NKAIN2: variants seen among roughly 807,000 people sequenced by gnomAD.
NKAIN2 encodes the protein sodium/potassium transporting ATPase interacting 2.
In NKAIN2, 14 loss-of-function variants were observed where a neutral mutation model predicts 32.6. The ratio of observed to expected loss-of-function variants is 0.43; its 90% confidence interval spans 0.28 to 0.67. The LOEUF is 0.67. Ranked by LOEUF, NKAIN2 falls within the 30% of genes least tolerant of loss-of-function variation. The pLI, the probability that NKAIN2 is intolerant of heterozygous loss-of-function variation, is 0.17. For synonymous variants in NKAIN2, 80 were observed against 87.2 expected (o/e 0.92, Z 0.46); for missense variants, 198 against 258.3 (o/e 0.77, Z 1.60).
chr6:123,974,545 CAA>C (rs1444329784), intron 1 of NKAIN2, among the ~76,000 whole-genome samples: 1 of 152,100 alleles, frequency 6.6e-6, no homozygotes, highest in Non-Finnish European at 1.5e-5. Context: ...CTGTGAATAA[CAA>C]GAGACAAAAA....
At chr6:124,190,947 A>T (rs1223354209) in intron 1 of NKAIN2, among the ~76,000 whole-genome samples, 2 of 152,106 alleles carry the variant, frequency 1.3e-5, no homozygotes, top group East Asian at 3.9e-4. Flanking sequence ...TCTCTATAAC[A>T]TCCTCCCCCA....
At chr6:124,329,734 A>G (rs1314360572) in intron 2 of NKAIN2, among the ~76,000 whole-genome samples, 3 of 152,212 alleles carry the variant, frequency 2.0e-5, no homozygotes, top group African/African-American at 7.2e-5. Flanking sequence ...CATCTTCAAA[A>G]GCCAGATTGG....
intron 2 of NKAIN2, among the ~76,000 whole-genome samples, chr6:124,321,409 G>A (rs191696999): frequency 1.3e-5 from 2 of 152,214 alleles, no homozygotes; most frequent in East Asian, 3.9e-4. Context: ...CATGTCACGT[G>A]TATACCAATG....
chr6:124,490,844 T>C (rs1583329206), intron 3 of NKAIN2, among the ~76,000 whole-genome samples: 2 of 151,958 alleles, frequency 1.3e-5, no homozygotes, highest in East Asian at 3.9e-4. Flanking sequence ...GCATTTTATC[T>C]AATCACTGTA....
At chr6:124,542,688 G>T (rs974682446) in intron 3 of NKAIN2, among the ~76,000 whole-genome samples, 5 of 152,154 alleles carry the variant, frequency 3.3e-5, no homozygotes, top group African/African-American at 1.2e-4. Context: ...CAGGAGATGA[G>T]ATTGGATGAT....
chr6:124,319,632 A>G (rs1797091272), intron 2 of NKAIN2, among the ~76,000 whole-genome samples: 1 of 152,016 alleles, frequency 6.6e-6, no homozygotes, highest in South Asian at 2.1e-4. Context: ...GCTTTTCATG[A>G]CCTCCAGTAA....
At chr6:124,641,856 A>G (rs912117826) in intron 3 of NKAIN2, among the ~76,000 whole-genome samples, 2 of 152,072 alleles carry the variant, frequency 1.3e-5, no homozygotes, top group Admixed American at 6.6e-5. Flanking sequence ...CACCCAGCCA[A>G]AAGATTAGCT....
chr6:124,493,533 C>A (rs1474375779), intron 3 of NKAIN2, among the ~76,000 whole-genome samples: 1 of 151,838 alleles, frequency 6.6e-6, no homozygotes, highest in African/African-American at 2.4e-5. Context: ...AGCCTGCTAA[C>A]ATTACATGAA....
At chr6:124,418,358 G>A (rs2114524334) in intron 3 of NKAIN2, among the ~76,000 whole-genome samples, 1 of 151,898 alleles carries the variant, frequency 6.6e-6, no homozygotes, top group Admixed American at 6.6e-5. Context: ...CATAGGTCGG[G>A]TCTTCCAAGA....
At chr6:124,752,555 G>C (rs1777773291) in intron 4 of NKAIN2, among the ~76,000 whole-genome samples, 1 of 151,974 alleles carries the variant, frequency 6.6e-6, no homozygotes, top group Admixed American at 6.6e-5. Flanking sequence ...GTGTGTGTGT[G>C]TGTGTGTATA....
intron 3 of NKAIN2, among the ~76,000 whole-genome samples, chr6:124,616,829 G>A (rs895321225): frequency 5.3e-5 from 8 of 151,662 alleles, no homozygotes; most frequent in African/African-American, 1.9e-4. Flanking sequence ...TTGCCATCCC[G>A]CATAGCACTG....
chr6:124,621,884 C>T (rs568900590), intron 3 of NKAIN2, among the ~76,000 whole-genome samples: 5 of 152,064 alleles, frequency 3.3e-5, no homozygotes, highest in African/African-American at 9.7e-5. Context: ...CCAGTTTTCT[C>T]CAAGGCAGGC....
chr6:124,597,614 T>C (rs990726509), intron 3 of NKAIN2, among the ~76,000 whole-genome samples: 3 of 152,086 alleles, frequency 2.0e-5, no homozygotes, highest in Admixed American at 6.6e-5. Context: ...CAGTAAAACA[T>C]GTTAGTGTGT....
intron 1 of NKAIN2, among the ~76,000 whole-genome samples, chr6:123,851,140 GTGC>G (rs1440772683): frequency 6.6e-6 from 1 of 151,668 alleles, no homozygotes; most frequent in Non-Finnish European, 1.5e-5. Context: ...ATTGTGAATA[GTGC>G]TGCAGTGAAC....
chr6:124,807,757 A>G (rs1454031744), intron 5 of NKAIN2, among the ~76,000 whole-genome samples: 1 of 151,920 alleles, frequency 6.6e-6, no homozygotes, highest in African/African-American at 2.4e-5. Flanking sequence ...AAAGAAAAAA[A>G]GAGAGAAGAA....
At chr6:124,661,753 G>A (rs1332066819) in intron 4 of NKAIN2, among the ~76,000 whole-genome samples, 1 of 151,988 alleles carries the variant, frequency 6.6e-6, no homozygotes, top group Non-Finnish European at 1.5e-5. Context: ...AAAGAATACA[G>A]ATGTGCACAG....
intron 4 of NKAIN2, among the ~76,000 whole-genome samples, chr6:124,711,089 A>G (rs1416240006): frequency 7.0e-6 from 1 of 142,008 alleles, no homozygotes; most frequent in African/African-American, 2.7e-5. Context: ...TTCACTTATG[A>G]AGCTTAGTTT....
rs149752056 is a variant in NKAIN2 at position 124,199,802 on chromosome 6, C to G, written c.55-83203C>G. 1.6e-3 allele frequency among the ~76,000 whole-genome samples: 247 copies of G among 152,128 alleles called. 1 individual carries two copies. Among genetic ancestry groups the G allele is most frequent in the African/African-American group, 5.3e-3 (220 of 41,486 alleles). ...TAATCAAAGCAAAGGATTATTTTGA[C>G]TAAATTGCCAAACCCTTATGTAAGC... On this transcript the variant is annotated intron_variant, in intron 1 of 6. Coordinates refer to ENST00000368417, the MANE Select transcript of NKAIN2 (RefSeq NM_001040214.3).
chr6:124,364,177 A>T (rs1799414119), intron 3 of NKAIN2, among the ~76,000 whole-genome samples: 1 of 151,358 alleles, frequency 6.6e-6, no homozygotes, highest in South Asian at 2.1e-4. Flanking sequence ...GGATTAAGGA[A>T]CTTGAGAAAT....
Sources: gnomAD v4.1 joint callset for allele counts (sites outside exome capture counted in the v4.1 genomes callset) on GRCh38, gnomAD v4.1.1 for gene constraint, MANE v1.5 for transcripts, NCBI Gene and HGNC (gene_info 2026-07-23, HGNC 2026-07-21) for gene names.